CKMT2: variants seen among roughly 807,000 people sequenced by gnomAD.
The protein encoded by CKMT2 is creatine kinase S-type, mitochondrial.
In CKMT2, 43 loss-of-function variants were observed where a neutral mutation model predicts 48.9. That is an observed-to-expected ratio of 0.88 (90% CI 0.69 to 1.13). The LOEUF (loss-of-function observed/expected upper bound fraction) is 1.13, where lower values mean the gene tolerates loss of function less well. Ranked by LOEUF, CKMT2 falls within the 50% of genes most tolerant of loss-of-function variation. The pLI, the probability that CKMT2 is intolerant of heterozygous loss-of-function variation, is 0.00. For synonymous variants in CKMT2, 206 were observed against 213.0 expected (o/e 0.97, Z 0.29); for missense variants, 472 against 555.4 (o/e 0.85, Z 1.51).
chr5:81,242,529 G>A, intron 1 of CKMT2: 1 of 472,456 alleles, frequency 2.1e-6, no homozygotes, highest in Non-Finnish European at 4.1e-6. Flanking sequence ...AGCACAAAGG[G>A]CCTTGACCAA....
In CKMT2 at chr5:81,259,128, G is replaced by C; in HGVS notation, c.888G>C (p.Arg296=). The C allele has an allele frequency of 6.2e-7, 1 of 1,613,012 alleles. No individual in the cohort carries two copies. Among genetic ancestry groups the C allele is most frequent in the Non-Finnish European group, 8.5e-7 (1 of 1,179,498 alleles). The part of the protein sequence containing the change: ...RFCRGLKEVE[R]LIQERGWEFM... ...TGTGGTTCTACTTGTAGGTAGAACG[G>C]TTAATCCAAGAACGAGGCTGGGAGT... is the stretch of plus-strand genomic sequence containing the variant. Residue 296 remains arginine, a synonymous_variant, in exon 8 of 10, where the codon CGG becomes CGC. Transcript: ENST00000254035.
intron 1 of CKMT2, among the ~76,000 whole-genome samples, chr5:81,245,659 GC>G (rs1339065691): frequency 6.6e-6 from 1 of 152,192 alleles, no homozygotes; most frequent in African/African-American, 2.4e-5. Context: ...TGATGGCCAG[GC>G]CTTCACTATA....
rs747352264 is a variant in CKMT2, at chr5:81,263,625, T to C, written c.1140+9T>C. On this transcript the variant is annotated intron_variant, in intron 9 of 9. Transcript: ENST00000254035. ...GAATTGGTCGATCAGAGGTAACGTC[T>C]CTCTCACTTTCCTAACATGAACTAA... is the stretch of plus-strand genomic sequence containing the variant. The C allele has an allele frequency of 3.1e-6, 5 of 1,598,302 alleles. No homozygotes were observed. Among genetic ancestry groups the C allele is most frequent in the Non-Finnish European group, 4.3e-6 (5 of 1,170,512 alleles).
intron 7 of CKMT2, among the ~76,000 whole-genome samples, chr5:81,258,891 G>A (rs1757108001): frequency 6.6e-6 from 1 of 152,138 alleles, no homozygotes. Context: ...GGTCCCTGAT[G>A]CAAAAATGGT....
intron 1 of CKMT2, among the ~76,000 whole-genome samples, chr5:81,250,137 C>A (rs537699566): frequency 9.9e-5 from 15 of 152,268 alleles, no homozygotes; most frequent in African/African-American, 3.6e-4. Flanking sequence ...TAATTTACAT[C>A]TATTTTCCAT....
intron 1 of CKMT2, 39 bp downstream of exon 1, chr5:81,233,416 G>C: frequency 1.0e-6 from 1 of 984,638 alleles, no homozygotes; most frequent in East Asian, 1.1e-4. Flanking sequence ...TTCCTCCAAA[G>C]AGGGGTCATG....
intron 1 of CKMT2, among the ~76,000 whole-genome samples, chr5:81,249,416 T>C (rs745938667): frequency 6.6e-6 from 1 of 152,164 alleles, no homozygotes; most frequent in Non-Finnish European, 1.5e-5. Flanking sequence ...GGAGATCAAA[T>C]AGAGTACTGA....
chr5:81,251,331 TCATG>T, intron 2 of CKMT2, 47 bp downstream of exon 2: 1 of 1,596,210 alleles, frequency 6.3e-7, no homozygotes, highest in Non-Finnish European at 8.6e-7. Flanking sequence ...GCACGGTGGC[TCATG>T]CATGTAATCC....
chr5:81,263,096 G>A (rs990532952), intron 8 of CKMT2, among the ~76,000 whole-genome samples: 4 of 147,510 alleles, frequency 2.7e-5, no homozygotes, highest in African/African-American at 5.0e-5. Context: ...AACACTGTAT[G>A]TTCTCACTCA....
intron 8 of CKMT2, among the ~76,000 whole-genome samples, chr5:81,262,724 T>C (rs1757265795): frequency 6.6e-6 from 1 of 152,102 alleles, no homozygotes; most frequent in African/African-American, 2.4e-5. Context: ...TTTCACACTG[T>C]TGGTGGGAGT....
At position 81,238,354 on chromosome 5, in the gene CKMT2, C is replaced by CA. The variant is rs200858916; in HGVS notation, c.-21+4986dup. 5.7e-4 allele frequency: 86 copies of CA among 150,642 alleles called. 1 individual carries two copies. The highest frequency in any genetic ancestry group is 4.2e-3 in the South Asian group (20 of 4,734). The allele number at this position is 150,642 out of a possible 1,614,324, so 9.3% of individuals were successfully genotyped here. A position where few individuals can be genotyped will look rare whatever the true frequency, so the allele number is the denominator to read the frequency against. On this transcript the variant is annotated intron_variant, in intron 1 of 9. Transcript: ENST00000254035. Reference sequence around the variant, plus strand: ...CTCAAAAAAAATAAAAAAACAAAAACAAAAAAAAACCAGGCATATAAAATG... The same window carrying CA: ...CTCAAAAAAAATAAAAAAACAAAAACAAAAAAAAAACCAGGCATATAAAATG...
rs565401182 is a variant in CKMT2, at chr5:81,261,959, A to T, written c.1015-1532A>T. 2.0e-4 allele frequency among the ~76,000 whole-genome samples: 30 copies of T among 152,352 alleles called. 1 individual carries two copies. The highest frequency in any genetic ancestry group is 7.0e-4 in the African/African-American group (29 of 41,584). On this transcript the variant is annotated intron_variant, in intron 8 of 9. Coordinates refer to ENST00000254035, the MANE Select transcript of CKMT2 (RefSeq NM_001099735.2). ...TCAAACTATACTACAAGGCTACAGT[A>T]ACTAAAACAGCATGGTACTTGTACC...
chr5:81,249,241 TAG>T (rs1205957510), intron 1 of CKMT2, among the ~76,000 whole-genome samples: 1 of 152,118 alleles, frequency 6.6e-6, no homozygotes, highest in Non-Finnish European at 1.5e-5. Context: ...GTAATTTTAG[TAG>T]AGACAGGGTT....
intron 1 of CKMT2, chr5:81,242,522 A>C (rs1197652357): frequency 2.1e-6 from 1 of 481,968 alleles, no homozygotes; most frequent in East Asian, 5.2e-5. Flanking sequence ...GGTGTTCAGC[A>C]CAAAGGGCCT....
At position 81,233,335 on chromosome 5, in the gene CKMT2, G is replaced by A. The variant is rs1756162001; in HGVS notation, c.-63G>A. The A allele has an allele frequency of 1.0e-6, 1 of 985,774 alleles. No individual in the cohort carries two copies. Among genetic ancestry groups the A allele is most frequent in the Non-Finnish European group, 1.2e-6 (1 of 830,212 alleles). The allele number at this position is 985,774 out of a possible 1,614,324, so 61.1% of individuals were successfully genotyped here. On this transcript the variant is annotated 5_prime_UTR_variant, in exon 1 of 10. Transcript: ENST00000254035. ...CCAGCTCGCCCTGCATACACTTCTT[G>A]GCTGTGTGCGCTCAGCAGGACGTGG...
chr5:81,260,143 C>CAGAA (rs1269155328), intron 8 of CKMT2, among the ~76,000 whole-genome samples: 6 of 152,120 alleles, frequency 3.9e-5, no homozygotes, highest in Non-Finnish European at 1.5e-5. Flanking sequence ...GAAATAAAGG[C>CAGAA]AGAAATAAAT....
chr5:81,250,840 CAG>C (rs1304331353), intron 1 of CKMT2: 1 of 220,898 alleles, frequency 4.5e-6, no homozygotes, highest in African/African-American at 2.3e-5. Context: ...AGCATATTAA[CAG>C]AGAAAAGGCA....
At chr5:81,235,298 C>T (rs1756213290) in intron 1 of CKMT2, among the ~76,000 whole-genome samples, 1 of 152,180 alleles carries the variant, frequency 6.6e-6, no homozygotes, top group Non-Finnish European at 1.5e-5. Flanking sequence ...TGAGGTAACG[C>T]ACACCCTTTG....
chr5:81,250,634 C>T (rs1168945252), intron 1 of CKMT2: 1 of 152,348 alleles, frequency 6.6e-6, no homozygotes, highest in Admixed American at 6.5e-5. Context: ...CCAGTCTCAG[C>T]CCCTATTCCC....
Sources: gnomAD v4.1 joint callset for allele counts (sites outside exome capture counted in the v4.1 genomes callset) on GRCh38, gnomAD v4.1.1 for gene constraint, MANE v1.5 for transcripts, NCBI Gene and HGNC (gene_info 2026-07-23, HGNC 2026-07-21) for gene names.